RNF207: variants seen among roughly 807,000 people sequenced by gnomAD.
The protein encoded by RNF207 is ring finger protein 207, also known as OTTHUMG00000001089.
A neutral mutation model predicts 79.0 loss-of-function variants in RNF207; 72 were observed. That is an observed-to-expected ratio of 0.91 (90% CI 0.75 to 1.11). The LOEUF (loss-of-function observed/expected upper bound fraction) is 1.11, where lower values mean the gene tolerates loss of function less well. Among genes scored for constraint, RNF207 ranks in the 50% least tolerant of loss-of-function variants. RNF207 has a pLI of 0.00. For synonymous variants in RNF207, 348 were observed against 366.2 expected (o/e 0.95, Z 0.57); for missense variants, 936 against 855.8 (o/e 1.09, Z -1.17).
At position 6,212,053 on chromosome 1, in the gene RNF207, G is replaced by A. The variant is rs41278920; in HGVS notation, c.1296G>A (p.Arg432=). 3.8e-6 allele frequency: 6 copies of A among 1,594,982 alleles called. No homozygotes were observed. The highest frequency in any genetic ancestry group is 5.1e-6 in the Non-Finnish European group (6 of 1,170,342). Reference sequence around the variant, plus strand: ...GCCGCCACTATGAGGACTCCTACCGGGTGAGGGGGCAGGGATCTGCCGGAG... The same window carrying A: ...GCCGCCACTATGAGGACTCCTACCGAGTGAGGGGGCAGGGATCTGCCGGAG... ...EHCRHYEDSY[R]HLQAEMQSLK... Residue 432 remains arginine (R), a splice_region_variant and synonymous_variant, in exon 13 of 18, where the codon CGG becomes CGA. Transcript: ENST00000377939.
At chr1:6,209,622 G>C in intron 7 of RNF207, 83 bp downstream of exon 7, 1 of 1,374,450 alleles carries the variant, frequency 7.3e-7, no homozygotes, top group Non-Finnish European at 9.5e-7. Flanking sequence ...TGGATTTCCA[G>C]TGTAGTGGGG....
At chr1:6,214,089 C>A (rs946278886) in intron 16 of RNF207, among the ~76,000 whole-genome samples, 1 of 152,208 alleles carries the variant, frequency 6.6e-6, no homozygotes, top group African/African-American at 2.4e-5. Context: ...TAGCTTCATA[C>A]TTGACAGTTT....
chr1:6,212,385 C>T lies in RNF207; in HGVS notation c.1451C>T (p.Ser484Phe). The T allele has an allele frequency of 6.2e-7, 1 of 1,612,728 alleles. No individual in the cohort carries two copies. Among genetic ancestry groups the T allele is most frequent in the African/African-American group, 1.3e-5 (1 of 74,998 alleles). ...GTGCAGATCGCCTCGGAGCACGCCT[C>T]CTTAGAGGGCATGAGGGTCGTCTTC... is the stretch of plus-strand genomic sequence containing the variant. ...LDVQIASEHA[S>F]LEGMRVVFQE... Residue 484 changes from serine to phenylalanine, a missense_variant, in exon 14 of 18, where the codon TCC (serine) becomes TTC (phenylalanine). Ser to Phe is a radical substitution (Grantham distance 155). Coordinates refer to ENST00000377939, the MANE Select transcript of RNF207 (RefSeq NM_207396.3).
At position 6,212,684 on chromosome 1, in the gene RNF207, T is replaced by G. The variant is rs773857168; in HGVS notation, c.1485T>G (p.Ile495Met). Residue 495 changes from isoleucine (I) to methionine (M), a missense_variant and splice_region_variant, in exon 15 of 18, where the codon ATT becomes ATG. By Grantham distance (10) the Ile-to-Met change is conservative. Coordinates refer to ENST00000377939, the MANE Select transcript of RNF207 (RefSeq NM_207396.3). ...LEGMRVVFQE[I>M]WEEAYQRVAN... ...AATGTCCAGCTTTTCTCTTTCAGAT[T>G]TGGGAGGAAGCCTATCAGCGAGTGG... The G allele has an allele frequency of 6.2e-7, 1 of 1,613,624 alleles. No homozygotes were observed. The highest frequency in any genetic ancestry group is 1.1e-5 in the South Asian group (1 of 91,066).
At chr1:6,210,974 C>T in intron 11 of RNF207, 36 bp downstream of exon 11, 3 of 1,598,952 alleles carry the variant, frequency 1.9e-6, no homozygotes, top group Middle Eastern at 1.7e-4. Context: ...GGTCGGGGGC[C>T]CTGCAGGGCA....
intron 3 of RNF207, 170 bp from the exon 4 acceptor site, chr1:6,208,711 T>C: frequency 1.6e-6 from 1 of 625,272 alleles, no homozygotes; most frequent in Non-Finnish European, 2.6e-6. Context: ...CCCTCCTCTG[T>C]AAAGTGGGTA....
At position 6,207,443 on chromosome 1, in the gene RNF207, G is replaced by T. The variant is rs1667955521; in HGVS notation, c.256G>T (p.Val86Leu). ...GGTGGACCGGCTGCTGCAGTTCCTG[G>T]TGGACAGCTCAGGGGATGGCGTGGA... is the stretch of plus-strand genomic sequence containing the variant. ...PPVDRLLQFL[V>L]DSSGDGVEAV... The change falls in exon 3 of 18, where the codon GTG (valine) becomes TTG (leucine). Residue 86 changes from valine (V) to leucine (L), a missense_variant. Transcript: ENST00000377939. The surrounding 1 kb of genome is among the most constrained non-coding windows in gnomAD (Gnocchi z 4.5). 6.4e-7 allele frequency: 1 copy of T among 1,569,672 alleles called. No individual in the cohort carries two copies. The highest frequency in any genetic ancestry group is 8.7e-7 in the Non-Finnish European group (1 of 1,155,332).
chr1:6,212,522 C>A, intron 14 of RNF207, 106 bp downstream of exon 14: 2 of 1,278,410 alleles, frequency 1.6e-6, no homozygotes, highest in South Asian at 1.3e-5. Context: ...CCCCACGGGA[C>A]CCTCATGTGG....
At chr1:6,214,046 T>G (rs372358108) in intron 16 of RNF207, among the ~76,000 whole-genome samples, 1 of 152,180 alleles carries the variant, frequency 6.6e-6, no homozygotes, top group African/African-American at 2.4e-5. Context: ...AGGTGCATGT[T>G]TGGGATGGCA....
chr1:6,208,746 T>C (rs148567742), intron 3 of RNF207, 135 bp from the exon 4 acceptor site: 22 of 892,496 alleles, frequency 2.5e-5, no homozygotes, highest in Non-Finnish European at 3.6e-5. Context: ...GTGCCTGGAT[T>C]ACAGGAAAGG....
chr1:6,209,989 GGCTT>G lies in RNF207; in HGVS notation c.800+24_800+27del, dbSNP rs1462785152. On this transcript the variant is annotated intron_variant, in intron 8 of 17. Coordinates refer to ENST00000377939, the MANE Select transcript of RNF207 (RefSeq NM_207396.3). ...TGCAGAGGTGAGTTGGGGGGAGCGG[GGCTT>G]GCTTCCCTTACCCCTTGGCCTCCAT... 4 of 1,569,444 alleles carry G rather than the reference GGCTT, an allele frequency of 2.5e-6. No individual in the cohort carries two copies. Among genetic ancestry groups the G allele is most frequent in the Non-Finnish European group, 3.5e-6 (4 of 1,157,184 alleles).
chr1:6,210,469 C>T (rs1469783903), intron 10 of RNF207, 31 bp downstream of exon 10: 5 of 1,575,036 alleles, frequency 3.2e-6, no homozygotes, highest in Non-Finnish European at 4.3e-6. Flanking sequence ...CAGATGCCCC[C>T]TCCCCACCAG....
Position 6,217,139 on chromosome 1 carries a change from G to T in RNF207, c.1653-1150G>T, listed in dbSNP as rs1668387904. On this transcript the variant is annotated intron_variant, in intron 16 of 17. Transcript: ENST00000377939. The surrounding 1 kb of genome is among the most constrained non-coding windows in gnomAD (Gnocchi z 4.2). Reference sequence around the variant, plus strand: ...CCACCTCAGCCTTCCAAAATGCTGGGATTATAGACGTGACCGTGCCTAGCC... The same window carrying T: ...CCACCTCAGCCTTCCAAAATGCTGGTATTATAGACGTGACCGTGCCTAGCC... Among the ~76,000 whole-genome samples the T allele has an allele frequency of 6.6e-6, 1 of 152,148 alleles. No homozygotes were observed. Among genetic ancestry groups the T allele is most frequent in the South Asian group, 2.1e-4 (1 of 4,826 alleles).
intron 2 of RNF207, 130 bp downstream of exon 2, chr1:6,206,856 C>A: frequency 1.4e-6 from 1 of 705,704 alleles, no homozygotes; most frequent in Non-Finnish European, 2.3e-6. Context: ...CTGGGAGATA[C>A]TGCACCCGGT....
At chr1:6,218,871 G>A (rs1339020563) in intron 17 of RNF207, among the ~76,000 whole-genome samples, 2 of 152,166 alleles carry the variant, frequency 1.3e-5, no homozygotes, top group Non-Finnish European at 2.9e-5. Context: ...AGAGCCTAGG[G>A]GTGTGCAGAG....
chr1:6,206,249 A>C lies in RNF207; in HGVS notation c.-54A>C. On this transcript the variant is annotated 5_prime_UTR_variant, in exon 1 of 18. Transcript: ENST00000377939. ...CCCGGAGCCGCACTAAGAGCGCTGG[A>C]CGGCGGGAGAGAGGCTCGGAGGACC... is the stretch of plus-strand genomic sequence containing the variant. 2.6e-6 allele frequency: 1 copy of C among 389,108 alleles called. No individual in the cohort carries two copies. The highest frequency in any genetic ancestry group is 4.7e-5 in the East Asian group (1 of 21,106). 24.1% of individuals were successfully genotyped at this position (389,108 alleles called of 1,614,324 possible).
chr1:6,213,873 G>A (rs1400973126), intron 16 of RNF207, among the ~76,000 whole-genome samples: 3 of 152,234 alleles, frequency 2.0e-5, no homozygotes, highest in Non-Finnish European at 4.4e-5. Flanking sequence ...AGTCTTCGCT[G>A]TTCCTGTCTC....
rs1200127533 is a variant in RNF207, at chr1:6,209,266, A to T, written c.552-2A>T. 1 of 1,549,258 alleles carries T rather than the reference A, an allele frequency of 6.5e-7. No homozygotes were observed. Among genetic ancestry groups the T allele is most frequent in the East Asian group, 2.4e-5 (1 of 40,958 alleles). ...GCGGGCCTCACCCGCCGCCTTCTGC[A>T]GGGAGAGCCGGGCACACTGCGTGGA... On this transcript the variant is annotated splice_acceptor_variant, in intron 5 of 17. Coordinates refer to ENST00000377939, the MANE Select transcript of RNF207 (RefSeq NM_207396.3). LOFTEE classifies it high-confidence loss of function.
At position 6,219,424 on chromosome 1, in the gene RNF207, C is replaced by G; in HGVS notation, c.*17C>G. 6.3e-7 allele frequency: 1 copy of G among 1,582,130 alleles called. No individual in the cohort carries two copies. Among genetic ancestry groups the G allele is most frequent in the East Asian group, 2.2e-5 (1 of 44,452 alleles). On this transcript the variant is annotated 3_prime_UTR_variant, in exon 18 of 18. Transcript: ENST00000377939. ...CCGACTTAGCAAATGGGACCGGTCC[C>G]CAGGGTCAGGCTCTTAGAGCAGGCA...
Sources: gnomAD v4.1 joint callset for allele counts (sites outside exome capture counted in the v4.1 genomes callset) on GRCh38, gnomAD v4.1.1 for gene constraint, Gnocchi (gnomAD v3.1) non-coding constraint, MANE v1.5 for transcripts, NCBI Gene and HGNC (gene_info 2026-07-23, HGNC 2026-07-21) for gene names.